GABRB1: variants seen among roughly 807,000 people sequenced by gnomAD.
GABRB1 encodes gamma-aminobutyric acid type A receptor subunit beta1, also known as gamma-aminobutyric acid receptor subunit beta-1.
GABRB1 carries 17 observed loss-of-function variants against 51.6 expected under a neutral mutation model. That is an observed-to-expected ratio of 0.33 (90% CI 0.23 to 0.49). The LOEUF (loss-of-function observed/expected upper bound fraction) is 0.49. GABRB1 is among the 20% of genes least tolerant of loss of function. The probability of loss-of-function intolerance (pLI) is 0.99; values close to 1 mark genes in which losing one functional copy is unlikely to be tolerated. For synonymous variants in GABRB1, 247 were observed against 218.9 expected, an observed-to-expected ratio of 1.13 and a Z score of -1.14; for missense variants, 410 against 600.6, an observed-to-expected ratio of 0.68 and a Z score of 3.32.
At position 47,399,969 on chromosome 4, in the gene GABRB1, C is replaced by T. The variant is rs4695227; in HGVS notation, c.545-3349C>T. Among the ~76,000 whole-genome samples the T allele has an allele frequency of 5.8e-3, 890 of 152,242 alleles. 4 individuals carry two copies. Among genetic ancestry groups the T allele is most frequent in the South Asian group, 0.016 (75 of 4,820 alleles). On this transcript the variant is annotated intron_variant, in intron 5 of 8. Transcript: ENST00000295454. Reference sequence around the variant, plus strand: ...TCTGCAAAATAATTTATTTAGTAAGCTCTGGGGAATTTGTATTTTCTTTTT... The same window carrying T: ...TCTGCAAAATAATTTATTTAGTAAGTTCTGGGGAATTTGTATTTTCTTTTT...
intron 5 of GABRB1, among the ~76,000 whole-genome samples, chr4:47,335,536 A>G (rs1315595600): frequency 4.6e-5 from 7 of 152,032 alleles, no homozygotes; most frequent in Non-Finnish European, 8.8e-5. Context: ...ATTCTGCTAC[A>G]TTTTCACAGC....
chr4:47,182,106 T>C (rs540111000), intron 4 of GABRB1, among the ~76,000 whole-genome samples: 3 of 151,628 alleles, frequency 2.0e-5, no homozygotes, highest in South Asian at 4.2e-4. Context: ...ATTCTATGAC[T>C]AGAGGCACTG....
chr4:47,134,621 A>G (rs1716561488), intron 3 of GABRB1, among the ~76,000 whole-genome samples: 2 of 152,202 alleles, frequency 1.3e-5, no homozygotes, highest in African/African-American at 4.8e-5. Flanking sequence ...GTTACCAATA[A>G]TAAGGAATCA....
intron 1 of GABRB1, among the ~76,000 whole-genome samples, chr4:47,005,401 G>A (rs1014063081): frequency 2.0e-5 from 3 of 152,136 alleles, no homozygotes; most frequent in Non-Finnish European, 4.4e-5. Flanking sequence ...ATGGGCGACA[G>A]AGTGGGACTC....
chr4:47,101,956 T>C (rs967627114), intron 3 of GABRB1, among the ~76,000 whole-genome samples: 1 of 152,030 alleles, frequency 6.6e-6, no homozygotes. Context: ...GTCTGAAGTA[T>C]ATTTCTAGAA....
intron 5 of GABRB1, among the ~76,000 whole-genome samples, chr4:47,352,958 G>T (rs1726412152): frequency 6.6e-6 from 1 of 152,142 alleles, no homozygotes; most frequent in South Asian, 2.1e-4. Flanking sequence ...CCCAAGACTG[G>T]GAAGACAAAG....
chr4:47,294,249 T>A (rs1723872056), intron 4 of GABRB1, among the ~76,000 whole-genome samples: 1 of 152,072 alleles, frequency 6.6e-6, no homozygotes, highest in Admixed American at 6.5e-5. Flanking sequence ...TGCCAGACAA[T>A]GGGTGCAGGA....
chr4:47,247,122 TC>T lies in GABRB1; in HGVS notation c.462-73003del, dbSNP rs370269247. On this transcript the variant is annotated intron_variant, in intron 4 of 8. Coordinates refer to ENST00000295454, the MANE Select transcript of GABRB1 (RefSeq NM_000812.4). ...CTGAGCCAGCATCTGGAATGGTTTT[TC>T]CATGTTATCTTCTAGAATTTTTATA... Among the ~76,000 whole-genome samples, 8 of 152,198 alleles carry T rather than the reference TC, an allele frequency of 5.3e-5. No individual in the cohort carries two copies. The East Asian group carries it at 1.2e-3, about 22-fold the overall frequency.
intron 5 of GABRB1, among the ~76,000 whole-genome samples, chr4:47,358,014 C>T (rs1726650394): frequency 6.6e-6 from 1 of 152,144 alleles, no homozygotes; most frequent in African/African-American, 2.4e-5. Flanking sequence ...ACACTTTTCT[C>T]CTTAAAACCT....
At chr4:47,012,723 A>C (rs993818115) in intron 1 of GABRB1, among the ~76,000 whole-genome samples, 30 of 152,196 alleles carry the variant, frequency 2.0e-4, no homozygotes, top group African/African-American at 6.8e-4. Context: ...CTCTCATTAC[A>C]TGGCTCCACT....
chr4:47,289,077 C>G (rs1723627952), intron 4 of GABRB1, among the ~76,000 whole-genome samples: 1 of 151,712 alleles, frequency 6.6e-6, no homozygotes, highest in South Asian at 2.1e-4. Flanking sequence ...TGCTTCTGAG[C>G]CAGGGAGACA....
chr4:47,188,913 T>C (rs1319808783), intron 4 of GABRB1, among the ~76,000 whole-genome samples: 1 of 152,020 alleles, frequency 6.6e-6, no homozygotes, highest in Non-Finnish European at 1.5e-5. Flanking sequence ...TCTCTGCTTA[T>C]CCATTAAACA....
At chr4:47,293,533 T>C (rs1270617664) in intron 4 of GABRB1, among the ~76,000 whole-genome samples, 3 of 152,146 alleles carry the variant, frequency 2.0e-5, no homozygotes, top group African/African-American at 7.2e-5. Flanking sequence ...TAAAAAATAG[T>C]TTTAAATGCA....
chr4:46,999,703 A>G (rs1674072781), intron 1 of GABRB1, among the ~76,000 whole-genome samples: 1 of 152,254 alleles, frequency 6.6e-6, no homozygotes, highest in Non-Finnish European at 1.5e-5. Flanking sequence ...AAATAAAAAA[A>G]GAAACAGTGC....
chr4:47,391,105 G>C (rs1727975704), intron 5 of GABRB1, among the ~76,000 whole-genome samples: 1 of 152,100 alleles, frequency 6.6e-6, no homozygotes, highest in Non-Finnish European at 1.5e-5. Context: ...GAACATGGGA[G>C]GTGGAGATTG....
At chr4:47,306,189 C>T (rs1447387950) in intron 4 of GABRB1, among the ~76,000 whole-genome samples, 1 of 151,138 alleles carries the variant, frequency 6.6e-6, no homozygotes, top group South Asian at 2.1e-4. Context: ...TGTAACAAAC[C>T]TGCACATTCT....
chr4:47,357,083 A>T (rs565103763), intron 5 of GABRB1, among the ~76,000 whole-genome samples: 2 of 152,332 alleles, frequency 1.3e-5, no homozygotes, highest in East Asian at 3.9e-4. Context: ...TTCAAAGTTC[A>T]TGTTTTTCAA....
chr4:47,087,984 T>G (rs1041264835), intron 3 of GABRB1, among the ~76,000 whole-genome samples: 1 of 152,184 alleles, frequency 6.6e-6, no homozygotes, highest in Non-Finnish European at 1.5e-5. Flanking sequence ...TTATGCAAAA[T>G]GGCAATTTCT....
intron 4 of GABRB1, among the ~76,000 whole-genome samples, chr4:47,254,396 G>A (rs1722115405): frequency 1.1e-5 from 1 of 88,692 alleles, no homozygotes. Flanking sequence ...TTTTTTTGAG[G>A]CAGAGTCTCA....
Sources: gnomAD v4.1 joint callset for allele counts (sites outside exome capture counted in the v4.1 genomes callset) on GRCh38, gnomAD v4.1.1 for gene constraint, MANE v1.5 for transcripts, NCBI Gene and HGNC (gene_info 2026-07-23, HGNC 2026-07-21) for gene names.